The following RICTOR variants were observed in gnomAD, a reference collection of about 807,000 sequenced individuals.
The protein encoded by RICTOR is RPTOR independent companion of MTOR complex 2.
In RICTOR, 49 loss-of-function variants were observed where a neutral mutation model predicts 214.9. The observed-to-expected ratio is 0.23, with a 90% CI of 0.18 to 0.29. RICTOR has a LOEUF of 0.29. Among genes scored for constraint, RICTOR ranks in the 10% least tolerant of loss-of-function variants. RICTOR has a pLI of 1.00. For missense variants in RICTOR, 1,625 were observed against 2,047.0 expected, an observed-to-expected ratio of 0.79 and a Z score of 3.98; for synonymous variants, 717 against 711.3, an observed-to-expected ratio of 1.01 and a Z score of -0.13.
chr5:39,029,890 G>T (rs1287642596), intron 2 of RICTOR, among the ~76,000 whole-genome samples: 2 of 152,070 alleles, frequency 1.3e-5, no homozygotes, highest in Non-Finnish European at 2.9e-5. Flanking sequence ...TTTTCACAGA[G>T]TAATCATGTG....
At chr5:39,053,358 A>T (rs1222777136) in intron 2 of RICTOR, among the ~76,000 whole-genome samples, 1 of 152,174 alleles carries the variant, frequency 6.6e-6, no homozygotes, top group African/African-American at 2.4e-5. Flanking sequence ...GCTTCCAGGA[A>T]TACTACTCTG....
chr5:38,949,289 A>G, intron 31 of RICTOR: 13 of 1,024,496 alleles, frequency 1.3e-5, no homozygotes, highest in Middle Eastern at 5.0e-4. Context: ...AATTTCACTG[A>G]AATTTTCATT....
At chr5:39,003,419 A>AT (rs202084497) in intron 4 of RICTOR, 139 bp downstream of exon 4, 6,478 of 535,172 alleles carry the variant, frequency 0.012, 94 homozygotes, top group Admixed American at 0.053. Context: ...TAGCTCTTAG[A>AT]TTTTTTCTAA....
chr5:38,938,001 A>G lies in RICTOR; in HGVS notation c.*4303T>C, dbSNP rs1266648466. On this transcript the variant is annotated 3_prime_UTR_variant, in exon 38 of 38. Coordinates refer to ENST00000357387, the MANE Select transcript of RICTOR (RefSeq NM_152756.5). ...TCAGGAGGCTTTTAATGCCCTTGAC[A>G]TAAACTATACACATTATACAAAAAC... 1 of 197,006 alleles carries G rather than the reference A, an allele frequency of 5.1e-6. No individual in the cohort carries two copies. The highest frequency in any genetic ancestry group is 1.1e-5 in the Non-Finnish European group (1 of 94,710). 12.2% of individuals were successfully genotyped at this position (197,006 alleles called of 1,614,324 possible).
chr5:38,982,272 T>C (rs1260961414), intron 7 of RICTOR, among the ~76,000 whole-genome samples: 2 of 152,198 alleles, frequency 1.3e-5, no homozygotes, highest in Non-Finnish European at 1.5e-5. Context: ...GTCCATATAA[T>C]AACGGAATGG....
At chr5:38,989,430 G>A (rs937539899) in intron 7 of RICTOR, among the ~76,000 whole-genome samples, 2 of 152,102 alleles carry the variant, frequency 1.3e-5, no homozygotes, top group African/African-American at 4.8e-5. Flanking sequence ...TATCACTCAG[G>A]ACACATGCAT....
At chr5:39,045,437 C>T (rs969441701) in intron 2 of RICTOR, among the ~76,000 whole-genome samples, 1 of 152,106 alleles carries the variant, frequency 6.6e-6, no homozygotes, top group Non-Finnish European at 1.5e-5. Flanking sequence ...ATTACAATTA[C>T]TGCATGTTCT....
At chr5:38,978,778 C>A in intron 8 of RICTOR, 128 bp from the exon 9 acceptor site, 1 of 493,928 alleles carries the variant, frequency 2.0e-6, no homozygotes, top group South Asian at 3.3e-5. Flanking sequence ...CTTATTTCTT[C>A]TAACTCATCA....
chr5:39,036,258 G>T (rs1336376959), intron 2 of RICTOR, among the ~76,000 whole-genome samples: 1 of 152,140 alleles, frequency 6.6e-6, no homozygotes, highest in Non-Finnish European at 1.5e-5. Flanking sequence ...TTACAGACAA[G>T]CAAATGCTGA....
chr5:39,038,830 T>C (rs1056212758), intron 2 of RICTOR, among the ~76,000 whole-genome samples: 3 of 152,104 alleles, frequency 2.0e-5, no homozygotes, highest in African/African-American at 7.2e-5. Flanking sequence ...TACAAACAAA[T>C]GGAAGAACAT....
chr5:39,055,531 C>T (rs1446018370), intron 2 of RICTOR, among the ~76,000 whole-genome samples: 1 of 150,554 alleles, frequency 6.6e-6, no homozygotes, highest in Non-Finnish European at 1.5e-5. Context: ...ACTATAGGTC[C>T]ATCAAAGGTA....
At chr5:38,969,995 T>C (rs1750637832) in intron 11 of RICTOR, 2 of 152,160 alleles carry the variant, frequency 1.3e-5, no homozygotes, top group Non-Finnish European at 2.9e-5. Context: ...ACTGTATTTT[T>C]ATTGTACCTT....
chr5:38,978,252 C>T (rs1210563862), intron 9 of RICTOR, among the ~76,000 whole-genome samples: 2 of 152,118 alleles, frequency 1.3e-5, no homozygotes, highest in Non-Finnish European at 2.9e-5. Context: ...AAGTTAAGGT[C>T]ACTCTTCATT....
chr5:39,062,239 TATAAC>T (rs1421336801), intron 2 of RICTOR, among the ~76,000 whole-genome samples: 3 of 152,068 alleles, frequency 2.0e-5, no homozygotes, highest in Non-Finnish European at 1.5e-5. Context: ...ATTAAAAACT[TATAAC>T]ACATACACTG....
At chr5:39,023,328 G>GA (rs1397224956) in intron 2 of RICTOR, among the ~76,000 whole-genome samples, 1 of 147,486 alleles carries the variant, frequency 6.8e-6, no homozygotes, top group Non-Finnish European at 1.5e-5. Context: ...TAACCAGATT[G>GA]AAAAAAAAGA....
At chr5:38,945,102 C>T (rs1748035866) in intron 34 of RICTOR, 34 bp from the exon 35 acceptor site, 2 of 1,446,840 alleles carry the variant, frequency 1.4e-6, no homozygotes, top group East Asian at 2.3e-5. Flanking sequence ...AATTAAAGCA[C>T]CATAACGGCT....
chr5:39,003,495 A>G, intron 4 of RICTOR, 63 bp downstream of exon 4: 2 of 1,058,942 alleles, frequency 1.9e-6, no homozygotes, highest in South Asian at 1.4e-5. Flanking sequence ...CTAGTTTAAA[A>G]TTACTAAAAT....
Position 38,940,551 on chromosome 5 carries a change from T to TA in RICTOR, c.*1752dup. 1 of 232,540 alleles carries TA rather than the reference T, an allele frequency of 4.3e-6. No homozygotes were observed. The highest frequency in any genetic ancestry group is 5.6e-5 in the Admixed American group (1 of 17,770). 14.4% of individuals were successfully genotyped at this position (232,540 alleles called of 1,614,324 possible). On this transcript the variant is annotated 3_prime_UTR_variant, in exon 38 of 38. Transcript: ENST00000357387. ...AACACTTGGGTTCAGTGATAAAGTA[T>TA]AAAAAAATTATTTATCTTCAACTGG...
intron 3 of RICTOR, among the ~76,000 whole-genome samples, chr5:39,013,225 T>C (rs1189815502): frequency 6.6e-6 from 1 of 152,204 alleles, no homozygotes; most frequent in Non-Finnish European, 1.5e-5. Context: ...CCACAATTAT[T>C]TTATGAGTAT....
Sources: allele counts gnomAD v4.1 joint callset (sites outside exome capture counted in the v4.1 genomes callset), GRCh38; gene constraint gnomAD v4.1.1; transcripts MANE v1.5; gene names NCBI Gene and HGNC (gene_info 2026-07-23, HGNC 2026-07-21).